Variants in FIG4 observed in about 807,000 individuals in gnomAD.
FIG4 encodes FIG4 phosphoinositide 5-phosphatase, also known as polyphosphoinositide phosphatase.
Under a neutral mutation model 118.6 loss-of-function variants are expected in FIG4, and 112 were observed. The ratio of observed to expected loss-of-function variants is 0.94; its 90% CI spans 0.81 to 1.11. The LOEUF is 1.11. Among genes scored for constraint, FIG4 ranks in the 50% least tolerant of loss-of-function variants. The pLI is 0.00. For synonymous variants in FIG4, 369 were observed against 381.2 expected (o/e 0.97, Z 0.37); for missense variants, 969 against 1,111.7 (o/e 0.87, Z 1.83).
intron 1 of FIG4, among the ~76,000 whole-genome samples, chr6:109,704,138 C>T (rs946935975): frequency 6.6e-6 from 1 of 152,182 alleles, no homozygotes; most frequent in African/African-American, 2.4e-5. Flanking sequence ...GTCATCTCGA[C>T]ATCAGTAAGT....
Position 109,778,760 on chromosome 6 carries a change from A to G in FIG4, c.1889+1700A>G, listed in dbSNP as rs557599256. ...ACTATGGGTGCCCACCACCATGCCC[A>G]GCTAATTTTTTTGTATTTTTAGTAG... On this transcript the variant is annotated intron_variant, in intron 16 of 22. Coordinates refer to ENST00000230124, the MANE Select transcript of FIG4 (RefSeq NM_014845.6). Among the ~76,000 whole-genome samples, 27 of 151,988 alleles carry G rather than the reference A, an allele frequency of 1.8e-4. No individual in the cohort carries two copies. In the East Asian group the frequency reaches 2.7e-3, roughly 15 times the overall value.
chr6:109,785,141 T>C, intron 17 of FIG4, 113 bp downstream of exon 17: 4 of 740,872 alleles, frequency 5.4e-6, no homozygotes, highest in Non-Finnish European at 9.9e-6. Context: ...AACAAATGAA[T>C]GGCTGTTCAG....
At chr6:109,810,847 G>T (rs774042954) in intron 22 of FIG4, among the ~76,000 whole-genome samples, 46 of 152,160 alleles carry the variant, frequency 3.0e-4, no homozygotes, top group Admixed American at 1.3e-3. Flanking sequence ...ATGCTTGTGG[G>T]CCTAGCTGTC....
At chr6:109,820,471 T>C (rs1178986518) in intron 22 of FIG4, among the ~76,000 whole-genome samples, 1 of 152,118 alleles carries the variant, frequency 6.6e-6, no homozygotes, top group African/African-American at 2.4e-5. Context: ...CAGTATGCGT[T>C]GTCTCTGAAG....
Position 109,796,806 on chromosome 6 carries a change from A to G in FIG4, c.2501A>G (p.Asn834Ser). 3.7e-6 allele frequency: 6 copies of G among 1,612,566 alleles called. No individual in the cohort carries two copies. The highest frequency in any genetic ancestry group is 5.1e-6 in the Non-Finnish European group (6 of 1,178,512). ...CAGAGTCAACATAAACAAGACAAGAATAGCCAGCAGCCCTGTTCTAGGTGC... is the reference window on the plus strand; with the variant it reads ...CAGAGTCAACATAAACAAGACAAGAGTAGCCAGCAGCCCTGTTCTAGGTGC... ...LGQSQHKQDK[N>S]SQQPCSRCSD... Residue 834 changes from asparagine (N) to serine (S), a missense_variant, in exon 22 of 23, where the codon AAT becomes AGT. Around this residue, in one of 3 missense-constraint regions of FIG4, gnomAD observed 330 missense variants for 348.1 expected, o/e 0.95. Transcript: ENST00000230124.
chr6:109,709,445 G>C (rs940991111), intron 1 of FIG4, among the ~76,000 whole-genome samples: 4 of 152,060 alleles, frequency 2.6e-5, no homozygotes, highest in African/African-American at 4.8e-5. Context: ...GGCTATTTGG[G>C]CTCTTTTTTG....
At chr6:109,761,968 A>G (rs1257283293) in intron 11 of FIG4, 123 bp from the exon 12 acceptor site, 2 of 686,164 alleles carry the variant, frequency 2.9e-6, no homozygotes, top group African/African-American at 3.6e-5. Context: ...AGTACCAGCC[A>G]AGAGATTTTA....
chr6:109,787,163 CTG>C (rs1451131683), intron 18 of FIG4, among the ~76,000 whole-genome samples: 1 of 152,122 alleles, frequency 6.6e-6, no homozygotes, highest in Non-Finnish European at 1.5e-5. Flanking sequence ...ATTTCATTCT[CTG>C]TATCTCTTTT....
chr6:109,789,860 AT>A (rs1268414433), intron 19 of FIG4, among the ~76,000 whole-genome samples, 183 bp downstream of exon 19: 1 of 152,202 alleles, frequency 6.6e-6, no homozygotes, highest in African/African-American at 2.4e-5. Context: ...AGTGCATTTT[AT>A]TGTTTTAAAT....
chr6:109,760,184 C>A, intron 10 of FIG4, 66 bp from the exon 11 acceptor site: 1 of 1,394,380 alleles, frequency 7.2e-7, no homozygotes. Flanking sequence ...TAAAAGTAAA[C>A]ATGTTGAGCC....
At chr6:109,797,617 G>A (rs573860843) in intron 22 of FIG4, among the ~76,000 whole-genome samples, 14 of 151,990 alleles carry the variant, frequency 9.2e-5, no homozygotes, top group African/African-American at 2.7e-4. Context: ...CACTGTGGGC[G>A]GGGCATGGTA....
intron 21 of FIG4, among the ~76,000 whole-genome samples, chr6:109,793,176 A>G (rs553545475): frequency 9.2e-5 from 14 of 152,226 alleles, no homozygotes; most frequent in Non-Finnish European, 1.5e-4. Flanking sequence ...AGGTATCTGC[A>G]CTGCTCATAT....
chr6:109,789,541 A>T, intron 18 of FIG4, 53 bp from the exon 19 acceptor site: 1 of 1,277,636 alleles, frequency 7.8e-7, no homozygotes, highest in Middle Eastern at 1.9e-4. Context: ...GGAAGCCAAT[A>T]TCATCTGGAT....
chr6:109,725,632 G>C (rs1355508328), intron 3 of FIG4, among the ~76,000 whole-genome samples: 2 of 152,204 alleles, frequency 1.3e-5, no homozygotes, highest in Admixed American at 1.3e-4. Flanking sequence ...TAATGGGATT[G>C]CTGGGTCAAA....
chr6:109,691,551 G>C, intron 1 of FIG4, 50 bp downstream of exon 1: 3 of 1,446,756 alleles, frequency 2.1e-6, no homozygotes, highest in East Asian at 2.5e-5. Context: ...GATGTCTGCC[G>C]GTGGGTGTGG....
At chr6:109,728,488 A>T (rs988784249) in intron 4 of FIG4, among the ~76,000 whole-genome samples, 2 of 152,184 alleles carry the variant, frequency 1.3e-5, no homozygotes, top group Non-Finnish European at 2.9e-5. Context: ...AGTTTTTAGG[A>T]TAGGTAACAG....
intron 1 of FIG4, among the ~76,000 whole-genome samples, chr6:109,702,111 A>C (rs548409852): frequency 1.3e-5 from 2 of 152,336 alleles, no homozygotes; most frequent in African/African-American, 4.8e-5. Context: ...CAAATAATAC[A>C]TTTAATCTGA....
At chr6:109,715,311 G>C in intron 2 of FIG4, 135 bp downstream of exon 2, 1 of 607,878 alleles carries the variant, frequency 1.6e-6, no homozygotes, top group South Asian at 2.0e-5. Context: ...TTCTTGGTTG[G>C]CTAGAATTTG....
At chr6:109,771,099 G>A (rs952764317) in intron 15 of FIG4, among the ~76,000 whole-genome samples, 2 of 152,218 alleles carry the variant, frequency 1.3e-5, no homozygotes, top group African/African-American at 4.8e-5. Flanking sequence ...GAGTGAATAA[G>A]CTGTATTTGG....
Sources: allele counts gnomAD v4.1 joint callset (sites outside exome capture counted in the v4.1 genomes callset), GRCh38; gene constraint gnomAD v4.1.1; regional missense constraint gnomAD v4.1.1; transcripts MANE v1.5; gene names NCBI Gene and HGNC (gene_info 2026-07-23, HGNC 2026-07-21).